PXDNL: variants seen among roughly 807,000 people sequenced by gnomAD.
PXDNL encodes the protein probable oxidoreductase PXDNL.
A neutral mutation model predicts 150.8 loss-of-function variants in PXDNL; 145 were observed. The observed-to-expected ratio is 0.96, with a 90% CI of 0.84 to 1.10. The LOEUF (loss-of-function observed/expected upper bound fraction) is 1.10. PXDNL is among the 50% of genes least tolerant of loss of function. The probability of loss-of-function intolerance (pLI) is 0.00; values close to 1 mark genes in which losing one functional copy is unlikely to be tolerated. For missense variants in PXDNL, 2,087 were observed against 1,873.9 expected, an observed-to-expected ratio of 1.11 and a Z score of -2.10; for synonymous variants, 757 against 725.7, an observed-to-expected ratio of 1.04 and a Z score of -0.69.
At chr8:51,628,685 G>T (rs1043413120) in intron 2 of PXDNL, among the ~76,000 whole-genome samples, 1 of 151,428 alleles carries the variant, frequency 6.6e-6, no homozygotes, top group Non-Finnish European at 1.5e-5. Context: ...TTACAGACGT[G>T]AGCCACCACA....
intron 19 of PXDNL, among the ~76,000 whole-genome samples, chr8:51,369,369 T>C (rs1271805914): frequency 6.6e-6 from 1 of 152,194 alleles, no homozygotes; most frequent in South Asian, 2.1e-4. Flanking sequence ...TAGAGCAATG[T>C]TTCTGTTAAT....
At chr8:51,686,470 C>T (rs1815875974) in intron 1 of PXDNL, among the ~76,000 whole-genome samples, 1 of 152,172 alleles carries the variant, frequency 6.6e-6, no homozygotes, top group Non-Finnish European at 1.5e-5. Flanking sequence ...CCTCCTGTTC[C>T]CCAATCGGGG....
chr8:51,505,196 C>G (rs1474852616), intron 4 of PXDNL, among the ~76,000 whole-genome samples: 2 of 152,284 alleles, frequency 1.3e-5, no homozygotes, highest in East Asian at 1.9e-4. Flanking sequence ...TTTACACAAC[C>G]ACCCCGAGGT....
intron 2 of PXDNL, among the ~76,000 whole-genome samples, chr8:51,612,511 G>A (rs35049110): frequency 0.15 from 22,132 of 152,054 alleles, 2,164 homozygotes; most frequent in African/African-American, 0.28. Flanking sequence ...TGGTCTGAAC[G>A]TTTGTGCCCC....
At position 51,782,468 on chromosome 8, in the gene PXDNL, T is replaced by G. The variant is rs1208441409; in HGVS notation, c.164+26713A>C. ...CACAGCCTTTGGAAGGTGTTTACTC[T>G]CATTCTCCATAGACTATCAGCTCCT... On this transcript the variant is annotated intron_variant, in intron 1 of 22. Coordinates refer to ENST00000356297, the MANE Select transcript of PXDNL (RefSeq NM_144651.5). Among the ~76,000 whole-genome samples the G allele has an allele frequency of 2.0e-5, 3 of 152,234 alleles. No homozygotes were observed. The East Asian group carries it at 5.8e-4, about 29-fold the overall frequency.
At chr8:51,595,905 C>A (rs1813552563) in intron 2 of PXDNL, among the ~76,000 whole-genome samples, 1 of 152,002 alleles carries the variant, frequency 6.6e-6, no homozygotes, top group Admixed American at 6.6e-5. Context: ...ATTATTTTTA[C>A]CAACTTTTAT....
intron 1 of PXDNL, among the ~76,000 whole-genome samples, chr8:51,676,358 C>T (rs760624697): frequency 7.9e-5 from 12 of 152,178 alleles, no homozygotes; most frequent in South Asian, 6.2e-4. Context: ...CTCACCACAA[C>T]CTCTGCTTGC....
chr8:51,709,760 G>A (rs1563514402), intron 1 of PXDNL, among the ~76,000 whole-genome samples: 1 of 152,106 alleles, frequency 6.6e-6, no homozygotes, highest in Non-Finnish European at 1.5e-5. Flanking sequence ...AACTACATAT[G>A]TATATATGTA....
At chr8:51,614,957 C>T in intron 2 of PXDNL, among the ~76,000 whole-genome samples, 1 of 152,198 alleles carries the variant, frequency 6.6e-6, no homozygotes, top group African/African-American at 2.4e-5. Context: ...TGAATAAAAA[C>T]AGATATTTTG....
chr8:51,343,781 C>G (rs1456348527), intron 20 of PXDNL, among the ~76,000 whole-genome samples: 1 of 152,144 alleles, frequency 6.6e-6, no homozygotes, highest in African/African-American at 2.4e-5. Flanking sequence ...CCGGTACCCA[C>G]TTCTGATGAC....
At chr8:51,336,819 T>C (rs1805842016) in intron 21 of PXDNL, among the ~76,000 whole-genome samples, 1 of 152,208 alleles carries the variant, frequency 6.6e-6, no homozygotes, top group African/African-American at 2.4e-5. Context: ...CTGCAACTTC[T>C]TTCCACCTCT....
intron 12 of PXDNL, 107 bp downstream of exon 12, chr8:51,446,884 GATCATATGACTAT>G: frequency 1.5e-6 from 1 of 653,602 alleles, no homozygotes; most frequent in African/African-American, 1.9e-5. Flanking sequence ...GCATTTCTTA[GATCATATGACTAT>G]ATATATATAT....
intron 4 of PXDNL, among the ~76,000 whole-genome samples, chr8:51,517,322 A>G (rs2130369073): frequency 6.6e-6 from 1 of 152,342 alleles, no homozygotes; most frequent in South Asian, 2.1e-4. Flanking sequence ...TAGATGCCAT[A>G]TCATAATCAA....
intron 1 of PXDNL, among the ~76,000 whole-genome samples, chr8:51,700,516 A>C (rs4873575): frequency 0.77 from 115,085 of 150,282 alleles, 43,707 homozygotes; most frequent in East Asian, 0.82. Flanking sequence ...TAAACATAAC[A>C]TATATACACA....
At chr8:51,744,374 AAAAG>A (rs1299872174) in intron 1 of PXDNL, among the ~76,000 whole-genome samples, 3 of 151,520 alleles carry the variant, frequency 2.0e-5, no homozygotes, top group African/African-American at 7.3e-5. Flanking sequence ...AGAAAGAGAA[AAAAG>A]AAAGGAAGGC....
At chr8:51,542,938 T>C (rs990123252) in intron 4 of PXDNL, among the ~76,000 whole-genome samples, 1 of 152,174 alleles carries the variant, frequency 6.6e-6, no homozygotes, top group Non-Finnish European at 1.5e-5. Flanking sequence ...TATTTTAAAA[T>C]ACACCATTTA....
At chr8:51,561,166 A>G (rs1310814677) in intron 3 of PXDNL, among the ~76,000 whole-genome samples, 1 of 152,000 alleles carries the variant, frequency 6.6e-6, no homozygotes, top group Non-Finnish European at 1.5e-5. Context: ...AGGAATGTAA[A>G]TTGGTACAGC....
intron 21 of PXDNL, among the ~76,000 whole-genome samples, chr8:51,334,283 A>G (rs1157889495): frequency 6.6e-6 from 1 of 152,188 alleles, no homozygotes; most frequent in Non-Finnish European, 1.5e-5. Flanking sequence ...GACAATAATG[A>G]CACAACATAT....
chr8:51,349,177 GTGT>G (rs370447533), intron 19 of PXDNL, among the ~76,000 whole-genome samples: 6,241 of 48,002 alleles, frequency 0.13, 283 homozygotes, highest in South Asian at 0.19. Flanking sequence ...GTGTGTGGGG[GTGT>G]GTGTGTGTGT....
Sources: allele counts gnomAD v4.1 joint callset (sites outside exome capture counted in the v4.1 genomes callset), GRCh38; gene constraint gnomAD v4.1.1; transcripts MANE v1.5; gene names NCBI Gene and HGNC (gene_info 2026-07-23, HGNC 2026-07-21).